Variants in SETD3 observed in about 807,000 individuals in gnomAD.
SETD3 encodes the protein actin-histidine N-methyltransferase.
In SETD3, 19 loss-of-function variants were observed where a neutral mutation model predicts 63.0. That is an observed-to-expected ratio of 0.30 (90% CI 0.21 to 0.44). The LOEUF is 0.44. Ranked by LOEUF, SETD3 falls within the 20% of genes least tolerant of loss-of-function variation. SETD3 has a pLI of 1.00. For missense variants in SETD3, 587 were observed against 728.5 expected (o/e 0.81, Z 2.24); for synonymous variants, 286 against 264.1 (o/e 1.08, Z -0.80).
chr14:99,470,461 CA>C (rs1364180492), intron 1 of SETD3, among the ~76,000 whole-genome samples: 1 of 152,152 alleles, frequency 6.6e-6, no homozygotes, highest in Non-Finnish European at 1.5e-5. Flanking sequence ...AGGATGGGGG[CA>C]GGGGGGCTGC....
At chr14:99,406,936 G>A (rs1354966427) in intron 8 of SETD3, among the ~76,000 whole-genome samples, 1 of 152,192 alleles carries the variant, frequency 6.6e-6, no homozygotes, top group African/African-American at 2.4e-5. Context: ...GCCTCCCACA[G>A]GTGCACCTAA....
At chr14:99,453,778 A>G (rs1158105478) in intron 6 of SETD3, among the ~76,000 whole-genome samples, 2 of 151,954 alleles carry the variant, frequency 1.3e-5, no homozygotes, top group African/African-American at 2.4e-5. Flanking sequence ...GTGAGCCGAG[A>G]TCATGCCACC....
At chr14:99,448,188 C>G (rs1894243747) in intron 6 of SETD3, among the ~76,000 whole-genome samples, 1 of 152,182 alleles carries the variant, frequency 6.6e-6, no homozygotes, top group Admixed American at 6.5e-5. Context: ...GCAGGCTGCT[C>G]AACTTCTCCC....
At chr14:99,449,027 G>C (rs901357614) in intron 6 of SETD3, among the ~76,000 whole-genome samples, 10 of 152,122 alleles carry the variant, frequency 6.6e-5, no homozygotes, top group African/African-American at 2.4e-4. Context: ...AACCATTTTT[G>C]TATCAAATAT....
At chr14:99,440,737 A>G (rs1893758149) in intron 6 of SETD3, among the ~76,000 whole-genome samples, 1 of 148,948 alleles carries the variant, frequency 6.7e-6, no homozygotes, top group Non-Finnish European at 1.5e-5. Flanking sequence ...CACTGGGTGA[A>G]AAAAAAAAAA....
At chr14:99,480,071 G>A (rs939877615) in intron 1 of SETD3, among the ~76,000 whole-genome samples, 4 of 152,276 alleles carry the variant, frequency 2.6e-5, no homozygotes, top group African/African-American at 9.6e-5. Flanking sequence ...CACTGCGCGT[G>A]TGGAGCACGG....
chr14:99,440,679 G>A (rs893577776), intron 6 of SETD3, among the ~76,000 whole-genome samples: 1 of 151,836 alleles, frequency 6.6e-6, no homozygotes, highest in Non-Finnish European at 1.5e-5. Flanking sequence ...GGGTGCACCT[G>A]AAGAGAGCTC....
chr14:99,474,339 A>T (rs8004451), intron 1 of SETD3, among the ~76,000 whole-genome samples: 105,761 of 151,872 alleles, frequency 0.7, 37,842 homozygotes, highest in Admixed American at 0.77. Context: ...ATAAATAAAT[A>T]AATTAAATAA....
chr14:99,422,816 T>C (rs1892658722), intron 6 of SETD3, among the ~76,000 whole-genome samples: 1 of 152,066 alleles, frequency 6.6e-6, no homozygotes, highest in East Asian at 1.9e-4. Context: ...AGGAGGGAAG[T>C]GGGGATGCAG....
At chr14:99,467,006 T>C (rs1446209549) in intron 1 of SETD3, among the ~76,000 whole-genome samples, 1 of 152,214 alleles carries the variant, frequency 6.6e-6, no homozygotes, top group Non-Finnish European at 1.5e-5. Context: ...AGAACTATGC[T>C]AGGACAAAGG....
intron 8 of SETD3, among the ~76,000 whole-genome samples, chr14:99,409,203 C>G (rs1309141156): frequency 6.6e-6 from 1 of 152,228 alleles, no homozygotes; most frequent in African/African-American, 2.4e-5. Flanking sequence ...TACTGAGTGC[C>G]ATACTATGCC....
intron 4 of SETD3, among the ~76,000 whole-genome samples, chr14:99,459,777 T>C (rs1454791832): frequency 6.6e-6 from 1 of 152,168 alleles, no homozygotes; most frequent in Non-Finnish European, 1.5e-5. Flanking sequence ...CTGTGTCCTG[T>C]GTATCTACAC....
intron 6 of SETD3, among the ~76,000 whole-genome samples, chr14:99,426,038 C>T (rs1336038036): frequency 6.6e-6 from 1 of 152,138 alleles, no homozygotes; most frequent in Admixed American, 6.5e-5. Flanking sequence ...GTGTGGAAAA[C>T]AGTTCAAACC....
At chr14:99,473,266 C>T (rs1895800190) in intron 1 of SETD3, among the ~76,000 whole-genome samples, 1 of 152,212 alleles carries the variant, frequency 6.6e-6, no homozygotes, top group Admixed American at 6.5e-5. Flanking sequence ...CAAGAAAGCA[C>T]ATTTAGTGAC....
At chr14:99,475,902 G>A (rs1287077934) in intron 1 of SETD3, among the ~76,000 whole-genome samples, 3 of 152,154 alleles carry the variant, frequency 2.0e-5, no homozygotes, top group African/African-American at 4.8e-5. Flanking sequence ...AAAGCCTTTC[G>A]TGATCTTCAG....
intron 6 of SETD3, among the ~76,000 whole-genome samples, chr14:99,428,122 C>T (rs1033520037): frequency 2.6e-5 from 4 of 152,218 alleles, no homozygotes; most frequent in Non-Finnish European, 5.9e-5. Context: ...TGGCACAGTG[C>T]CCACGGCAGG....
intron 1 of SETD3, among the ~76,000 whole-genome samples, chr14:99,469,590 T>C (rs1365288917): frequency 6.6e-6 from 1 of 151,908 alleles, no homozygotes; most frequent in Non-Finnish European, 1.5e-5. Context: ...CAAAACAATA[T>C]AAAAATTAGC....
chr14:99,445,007 G>A (rs190607969), intron 6 of SETD3, among the ~76,000 whole-genome samples: 13 of 152,268 alleles, frequency 8.5e-5, no homozygotes, highest in Admixed American at 7.8e-4. Flanking sequence ...CTGCAAGCTC[G>A]TAAGGACTCA....
In SETD3 at chr14:99,398,996, G is replaced by A. The variant is rs137957044; in HGVS notation, c.1468C>T (p.Arg490Cys). The change falls in exon 13 of 13, where the codon CGC becomes TGC. Residue 490 changes from arginine (R) to cysteine (C), a missense_variant. By Grantham distance (180) the Arg-to-Cys change is radical. Coordinates refer to ENST00000331768, the MANE Select transcript of SETD3 (RefSeq NM_032233.3). ...KSAAVNREYY[R>C]QQMEEKAPLP... is the part of the protein sequence containing the mutation. The stretch of plus-strand genomic sequence containing the variant: ...GGAGCCTTTTCCTCCATCTGTTGGC[G>A]ATAGTATTCCCGGTTGACAGCTGCA... 1.6e-4 allele frequency: 254 copies of A among 1,614,170 alleles called. No individual in the cohort carries two copies. In the Middle Eastern group the frequency reaches 2.3e-3, roughly 15 times the overall value.
Sources: gnomAD v4.1 joint callset for allele counts (sites outside exome capture counted in the v4.1 genomes callset) on GRCh38, gnomAD v4.1.1 for gene constraint, MANE v1.5 for transcripts, NCBI Gene and HGNC (gene_info 2026-07-23, HGNC 2026-07-21) for gene names.